Variants in PTPRD observed in about 807,000 individuals in gnomAD.
The protein encoded by PTPRD is receptor-type tyrosine-protein phosphatase delta.
PTPRD carries 34 observed loss-of-function variants against 214.5 expected under a neutral mutation model. That is an observed-to-expected ratio of 0.16 (90% confidence interval 0.12 to 0.21). The LOEUF is 0.21. Among genes scored for constraint, PTPRD ranks in the 10% least tolerant of loss-of-function variants. The pLI, the probability that PTPRD is intolerant of heterozygous loss-of-function variation, is 1.00. For missense variants in PTPRD, 2,545 were observed against 2,398.7 expected, an observed-to-expected ratio of 1.06 and a Z score of -1.27; for synonymous variants, 1,128 against 845.7, an observed-to-expected ratio of 1.33 and a Z score of -5.79.
chr9:8,637,327 T>C (rs959051774), intron 12 of PTPRD, among the ~76,000 whole-genome samples: 1 of 152,142 alleles, frequency 6.6e-6, no homozygotes, highest in African/African-American at 2.4e-5. Flanking sequence ...ACAAGAAATA[T>C]CGCCCTGAAT....
intron 30 of PTPRD, among the ~76,000 whole-genome samples, chr9:8,479,223 C>T (rs539672224): frequency 1.1e-4 from 16 of 152,276 alleles, no homozygotes; most frequent in Admixed American, 2.6e-4. Context: ...ACTATTATCC[C>T]TTTAAGAATT....
chr9:8,838,606 AGTTT>A (rs2097489892), intron 11 of PTPRD, among the ~76,000 whole-genome samples: 1 of 151,958 alleles, frequency 6.6e-6, no homozygotes, highest in African/African-American at 2.4e-5. Flanking sequence ...CAGGTTATTT[AGTTT>A]GACAGATTTT....
chr9:9,545,869 C>T (rs2078674845), intron 8 of PTPRD, among the ~76,000 whole-genome samples: 5 of 151,740 alleles, frequency 3.3e-5, no homozygotes, highest in Non-Finnish European at 7.4e-5. Flanking sequence ...TGCATTGAGT[C>T]TATAGACGAA....
intron 35 of PTPRD, among the ~76,000 whole-genome samples, chr9:8,409,354 G>C (rs1388361328): frequency 2.0e-5 from 3 of 152,178 alleles, no homozygotes; most frequent in East Asian, 1.9e-4. Context: ...GCCACCATAA[G>C]ATGCTTTCTC....
At chr9:8,375,809 C>T (rs527396634) in intron 39 of PTPRD, 127 bp downstream of exon 39, 1 of 1,153,718 alleles carries the variant, frequency 8.7e-7, no homozygotes, top group Non-Finnish European at 1.2e-6. Flanking sequence ...CCTCATTTGA[C>T]CAAAAGAGAG....
At chr9:9,555,651 A>G (rs540478069) in intron 8 of PTPRD, among the ~76,000 whole-genome samples, 1 of 152,126 alleles carries the variant, frequency 6.6e-6, no homozygotes, top group South Asian at 2.1e-4. Flanking sequence ...TTGTAAATCT[A>G]GTACAAGAAG....
At position 8,404,439 on chromosome 9, in the gene PTPRD, C is replaced by T. The variant is rs2092765372; in HGVS notation, c.4210+98G>A. On this transcript the variant is annotated intron_variant, in intron 36 of 45. Transcript: ENST00000381196. ...CCACCATGCACAGCCATCTTAATTA[C>T]TTTCAGAGATGGTTAATAACCTCAC... 4 of 1,455,172 alleles carry T rather than the reference C, an allele frequency of 2.7e-6. No homozygotes were observed. The African/African-American group carries it at 5.6e-5, about 20-fold the overall frequency. 90.1% of individuals were successfully genotyped at this position (1,455,172 alleles called of 1,614,324 possible). A position where few individuals can be genotyped will look rare whatever the true frequency, so the allele number is the denominator to read the frequency against.
chr9:9,701,931 C>A (rs1243188285), intron 7 of PTPRD, among the ~76,000 whole-genome samples: 1 of 152,072 alleles, frequency 6.6e-6, no homozygotes, highest in Non-Finnish European at 1.5e-5. Context: ...CAAGCCTGGC[C>A]AACATGGTGA....
chr9:10,010,929 G>T (rs10809005), intron 4 of PTPRD, among the ~76,000 whole-genome samples: 72,943 of 151,592 alleles, frequency 0.48, 20,944 homozygotes, highest in Middle Eastern at 0.67. Flanking sequence ...ATATTCTAGT[G>T]TTATCAGGAA....
chr9:9,091,286 G>A (rs575802385), intron 10 of PTPRD: 196 of 1,133,566 alleles, frequency 1.7e-4, no homozygotes, highest in Non-Finnish European at 2.5e-4. Context: ...CTATTCTCTG[G>A]AGAAAAATAA....
At chr9:8,695,768 G>A (rs981357575) in intron 12 of PTPRD, among the ~76,000 whole-genome samples, 1 of 152,060 alleles carries the variant, frequency 6.6e-6, no homozygotes, top group Non-Finnish European at 1.5e-5. Flanking sequence ...AAATTTCCTA[G>A]GGATGCTCCC....
intron 3 of PTPRD, among the ~76,000 whole-genome samples, chr9:10,290,428 G>T (rs928719719): frequency 1.3e-5 from 2 of 152,118 alleles, no homozygotes; most frequent in East Asian, 3.9e-4. Flanking sequence ...AAGAATGTCA[G>T]ACATTTGCTT....
intron 8 of PTPRD, among the ~76,000 whole-genome samples, chr9:9,455,342 T>G (rs1337923497): frequency 6.6e-6 from 1 of 151,488 alleles, no homozygotes; most frequent in Non-Finnish European, 1.5e-5. Flanking sequence ...AGAATGAAAA[T>G]TATGCACACA....
At chr9:8,673,213 AAC>A (rs2097325057) in intron 12 of PTPRD, among the ~76,000 whole-genome samples, 1 of 152,158 alleles carries the variant, frequency 6.6e-6, no homozygotes, top group Non-Finnish European at 1.5e-5. Flanking sequence ...TTTAAAGGAA[AAC>A]ACACACATAC....
chr9:8,972,869 G>T (rs1312558486), intron 11 of PTPRD, among the ~76,000 whole-genome samples: 1 of 151,978 alleles, frequency 6.6e-6, no homozygotes, highest in East Asian at 1.9e-4. Flanking sequence ...CATTCAACTA[G>T]GAAACACATT....
At chr9:9,788,640 A>G (rs988866359) in intron 5 of PTPRD, among the ~76,000 whole-genome samples, 5 of 152,064 alleles carry the variant, frequency 3.3e-5, no homozygotes, top group Non-Finnish European at 7.4e-5. Context: ...CCGTAGACAC[A>G]GTATATAATA....
intron 36 of PTPRD, among the ~76,000 whole-genome samples, chr9:8,394,830 CT>C (rs1416378624): frequency 6.6e-6 from 1 of 152,086 alleles, no homozygotes; most frequent in African/African-American, 2.4e-5. Context: ...GAGGCTGCTA[CT>C]TCACATCTTG....
At chr9:9,546,590 ATGC>A (rs2078860671) in intron 8 of PTPRD, among the ~76,000 whole-genome samples, 1 of 151,764 alleles carries the variant, frequency 6.6e-6, no homozygotes, top group Non-Finnish European at 1.5e-5. Flanking sequence ...TACTACCTTT[ATGC>A]TATATAAATT....
chr9:10,108,860 C>T (rs549524648), intron 3 of PTPRD, among the ~76,000 whole-genome samples: 8 of 97,066 alleles, frequency 8.2e-5, no homozygotes, highest in African/African-American at 2.4e-4. Flanking sequence ...AAGTCAGGCA[C>T]GTAAAGAGGG....
Sources: gnomAD v4.1 joint callset for allele counts (sites outside exome capture counted in the v4.1 genomes callset) on GRCh38, gnomAD v4.1.1 for gene constraint, MANE v1.5 for transcripts, NCBI Gene and HGNC (gene_info 2026-07-23, HGNC 2026-07-21) for gene names.